CDH13: variants seen among roughly 807,000 people sequenced by gnomAD.
The protein encoded by CDH13 is cadherin 13.
A neutral mutation model predicts 63.8 loss-of-function variants in CDH13; 24 were observed. The ratio of observed to expected loss-of-function variants is 0.38; its 90% CI spans 0.27 to 0.53. The LOEUF (loss-of-function observed/expected upper bound fraction) is 0.53, where lower values mean the gene tolerates loss of function less well. Ranked by LOEUF, CDH13 falls within the 20% of genes least tolerant of loss-of-function variation. The pLI, the probability that CDH13 is intolerant of heterozygous loss-of-function variation, is 0.85. For synonymous variants in CDH13, 503 were observed against 355.3 expected, an observed-to-expected ratio of 1.42 and a Z score of -4.67; for missense variants, 1,049 against 903.1, an observed-to-expected ratio of 1.16 and a Z score of -2.07.
At chr16:83,314,526 G>A (rs2090066068) in intron 5 of CDH13, among the ~76,000 whole-genome samples, 1 of 151,984 alleles carries the variant, frequency 6.6e-6, no homozygotes, top group Admixed American at 6.6e-5. Flanking sequence ...ATCATGGAAA[G>A]ACTATTCCCT....
intron 5 of CDH13, among the ~76,000 whole-genome samples, chr16:83,284,614 T>C (rs2089263222): frequency 6.6e-6 from 1 of 152,140 alleles, no homozygotes; most frequent in Non-Finnish European, 1.5e-5. Flanking sequence ...AGAACTTCTC[T>C]GGTCAACTCA....
At chr16:83,378,120 G>A (rs574052014) in intron 6 of CDH13, among the ~76,000 whole-genome samples, 1 of 152,296 alleles carries the variant, frequency 6.6e-6, no homozygotes, top group Non-Finnish European at 1.5e-5. Flanking sequence ...CCTTGCAGAA[G>A]CAGCATCACC....
intron 1 of CDH13, among the ~76,000 whole-genome samples, chr16:82,857,672 G>A (rs146137072): frequency 6.6e-6 from 1 of 152,224 alleles, no homozygotes; most frequent in Non-Finnish European, 1.5e-5. Context: ...TTTGCAAAAG[G>A]AATAAGAAAC....
At chr16:83,438,588 C>A (rs1024745629) in intron 6 of CDH13, among the ~76,000 whole-genome samples, 5 of 152,184 alleles carry the variant, frequency 3.3e-5, no homozygotes, top group African/African-American at 4.8e-5. Flanking sequence ...GTTTTAAGGA[C>A]AATGGATAGG....
At chr16:82,721,146 A>T (rs2032745266) in intron 1 of CDH13, among the ~76,000 whole-genome samples, 1 of 152,200 alleles carries the variant, frequency 6.6e-6, no homozygotes, top group African/African-American at 2.4e-5. Context: ...ACAAACATTC[A>T]TTGAGCACCT....
At chr16:82,893,902 G>A (rs117966910) in intron 2 of CDH13, among the ~76,000 whole-genome samples, 225 of 152,074 alleles carry the variant, frequency 1.5e-3, no homozygotes, top group East Asian at 0.012. Context: ...TCATTCCCCC[G>A]TCCTCACTCC....
intron 5 of CDH13, among the ~76,000 whole-genome samples, chr16:83,299,363 C>G (rs2089679163): frequency 6.6e-6 from 1 of 151,860 alleles, no homozygotes; most frequent in African/African-American, 2.4e-5. Context: ...ACTACCTTAC[C>G]TTAAACTTTC....
chr16:83,330,221 G>A lies in CDH13; in HGVS notation c.637-14641G>A, dbSNP rs1239203596. 4.6e-5 allele frequency among the ~76,000 whole-genome samples: 7 copies of A among 152,020 alleles called. No homozygotes were observed. In the East Asian group the frequency reaches 7.7e-4, roughly 17 times the overall value. On this transcript the variant is annotated intron_variant, in intron 5 of 13. Transcript: ENST00000567109. ...TACACATGTAAACACACACACACAT[G>A]CACACACACAGGTGCAAGTAAAACT... is the stretch of plus-strand genomic sequence containing the variant.
At chr16:83,783,992 T>C (rs1036757767) in intron 13 of CDH13, among the ~76,000 whole-genome samples, 13 of 152,214 alleles carry the variant, frequency 8.5e-5, no homozygotes, top group Non-Finnish European at 2.9e-5. Flanking sequence ...CATGAAACAT[T>C]GTTTTTAACA....
chr16:82,804,126 GCTGA>G (rs1258567802), intron 1 of CDH13, among the ~76,000 whole-genome samples: 1 of 152,104 alleles, frequency 6.6e-6, no homozygotes, highest in Non-Finnish European at 1.5e-5. Context: ...TACTCAGGAG[GCTGA>G]GGCAAGAGAA....
rs7194317 is a variant in CDH13, at chr16:83,085,912, T to G, written c.367-39473T>G. On this transcript the variant is annotated intron_variant, in intron 3 of 13. Coordinates refer to ENST00000567109, the MANE Select transcript of CDH13 (RefSeq NM_001257.5). The stretch of plus-strand genomic sequence containing the variant: ...TTTATTCTTTAGAATACCTATTAAT[T>G]CAGAAGTGTTCTGAATGGCGTCATG... Among the ~76,000 whole-genome samples the G allele has an allele frequency of 6.6e-3, 1,007 of 152,320 alleles. 17 individuals carry two copies. The highest frequency in any genetic ancestry group is 0.022 in the African/African-American group (899 of 41,564).
chr16:83,165,144 C>A (rs77542914), intron 4 of CDH13, among the ~76,000 whole-genome samples: 1 of 151,746 alleles, frequency 6.6e-6, no homozygotes, highest in South Asian at 2.1e-4. Flanking sequence ...TTAGGAATCC[C>A]TAAGAAGGAG....
intron 10 of CDH13, among the ~76,000 whole-genome samples, chr16:83,737,101 C>G (rs1287722834): frequency 6.6e-6 from 1 of 152,214 alleles, no homozygotes; most frequent in East Asian, 1.9e-4. Context: ...TGCAGGCACG[C>G]TGGTAATTCA....
chr16:83,033,297 C>T (rs150711276), intron 3 of CDH13, among the ~76,000 whole-genome samples: 147 of 151,780 alleles, frequency 9.7e-4, no homozygotes, highest in Middle Eastern at 6.8e-3. Context: ...TAATTGTTTA[C>T]GGTTCTGTAT....
rs535484651 is a variant in CDH13 at position 83,495,432 on chromosome 16, G to A, written c.960+8777G>A. 4.1e-4 allele frequency among the ~76,000 whole-genome samples: 63 copies of A among 152,240 alleles called. No homozygotes were observed. In the South Asian group the frequency reaches 5.8e-3, roughly 14 times the overall value. ...AGACTGAGGTTCTTACTATGTAGAC[G>A]AAGCCTCCAGGTAGCAGGCTTCAGA... is the stretch of plus-strand genomic sequence containing the variant. On this transcript the variant is annotated intron_variant, in intron 7 of 13. Transcript: ENST00000567109.
At chr16:83,063,556 G>A (rs1407190481) in intron 3 of CDH13, among the ~76,000 whole-genome samples, 2 of 152,208 alleles carry the variant, frequency 1.3e-5, no homozygotes, top group Non-Finnish European at 2.9e-5. Context: ...TGATTTAGCT[G>A]AAGATATAGC....
At chr16:83,611,047 C>G (rs1279365036) in intron 8 of CDH13, among the ~76,000 whole-genome samples, 1 of 152,132 alleles carries the variant, frequency 6.6e-6, no homozygotes, top group African/African-American at 2.4e-5. Context: ...TCTCTGGTGG[C>G]TGATGAAGTT....
intron 4 of CDH13, chr16:83,171,648 CA>C: frequency 8.3e-7 from 1 of 1,199,906 alleles, no homozygotes; most frequent in African/African-American, 1.5e-5. Context: ...TATATGCCAT[CA>C]GGGGATTTAG....
chr16:83,757,553 G>A lies in CDH13; in HGVS notation c.1681+9303G>A, dbSNP rs150776799. Among the ~76,000 whole-genome samples, 446 of 152,234 alleles carry A rather than the reference G, an allele frequency of 2.9e-3. 3 individuals are homozygous for A. The highest frequency in any genetic ancestry group is 0.01 in the African/African-American group (431 of 41,528). ...AGATCGCACCACTGCATCCCAGCCT[G>A]GGTGACAGAGCGAGACTCTGTCTCT... On this transcript the variant is annotated intron_variant, in intron 11 of 13. Transcript: ENST00000567109.
Sources: gnomAD v4.1 joint callset for allele counts (sites outside exome capture counted in the v4.1 genomes callset) on GRCh38, gnomAD v4.1.1 for gene constraint, MANE v1.5 for transcripts, NCBI Gene and HGNC (gene_info 2026-07-23, HGNC 2026-07-21) for gene names.